TAS2R1: variants seen among roughly 807,000 people sequenced by gnomAD.
The protein encoded by TAS2R1 is taste receptor type 2 member 1.
For synonymous variants in TAS2R1, 141 were observed against 134.2 expected, an observed-to-expected ratio of 1.05 and a Z score of -0.35; for missense variants, 370 against 353.4, an observed-to-expected ratio of 1.05 and a Z score of -0.38.
At chr5:9,731,466 C>G in the TAS2R1 span, among the ~76,000 whole-genome samples, 1 of 152,110 alleles carries the variant, frequency 6.6e-6, no homozygotes, top group Non-Finnish European at 1.5e-5. Flanking sequence ...CCCCACCCAG[C>G]GGCTTCCTCA....
chr5:9,664,783 A>C (rs1214106885), intron 1 of TAS2R1, among the ~76,000 whole-genome samples: 2 of 152,168 alleles, frequency 1.3e-5, no homozygotes, highest in Non-Finnish European at 2.9e-5. Flanking sequence ...ACCCCCTTAC[A>C]ATGCACTTTT....
At chr5:9,839,367 T>C in the TAS2R1 span, among the ~76,000 whole-genome samples, 1 of 152,224 alleles carries the variant, frequency 6.6e-6, no homozygotes, top group Non-Finnish European at 1.5e-5. Flanking sequence ...TAACATCCTG[T>C]TGTACAACAA....
the TAS2R1 span, among the ~76,000 whole-genome samples, chr5:9,741,563 A>T: frequency 6.6e-6 from 1 of 152,246 alleles, no homozygotes; most frequent in African/African-American, 2.4e-5. Flanking sequence ...AAAGATTTAC[A>T]TGAAATAAAA....
At chr5:9,651,631 C>A (rs1740306893) in intron 2 of TAS2R1, among the ~76,000 whole-genome samples, 1 of 152,056 alleles carries the variant, frequency 6.6e-6, no homozygotes, top group African/African-American at 2.4e-5. Flanking sequence ...TTTTTATAAA[C>A]ATATGTATGA....
the TAS2R1 span, among the ~76,000 whole-genome samples, chr5:9,848,718 T>C: frequency 6.7e-6 from 1 of 149,064 alleles, no homozygotes; most frequent in African/African-American, 2.5e-5. Flanking sequence ...ACAATTTTTA[T>C]TTGTCAATTA....
intron 1 of TAS2R1, among the ~76,000 whole-genome samples, chr5:9,706,656 C>T (rs1383382647): frequency 6.6e-6 from 1 of 152,186 alleles, no homozygotes; most frequent in African/African-American, 2.4e-5. Flanking sequence ...CCTGCTGTAT[C>T]TGAGTAGATG....
At chr5:9,869,355 G>C in the TAS2R1 span, among the ~76,000 whole-genome samples, 1 of 152,152 alleles carries the variant, frequency 6.6e-6, no homozygotes. Context: ...AAGAGCAAAG[G>C]CATGGTGGCA....
the TAS2R1 span, among the ~76,000 whole-genome samples, chr5:9,879,916 A>G: frequency 6.6e-6 from 1 of 152,186 alleles, no homozygotes; most frequent in Non-Finnish European, 1.5e-5. Flanking sequence ...TATAATTGAT[A>G]AGAGAACAGA....
At chr5:9,831,132 T>G in the TAS2R1 span, among the ~76,000 whole-genome samples, 1 of 152,184 alleles carries the variant, frequency 6.6e-6, no homozygotes, top group Non-Finnish European at 1.5e-5. Flanking sequence ...TAATTATAAC[T>G]TCTGGAGAGT....
chr5:9,655,564 A>C lies in TAS2R1; in HGVS notation c.-81+3857T>G, dbSNP rs549777179. On this transcript the variant is annotated intron_variant, in intron 2 of 2. Coordinates refer to the TAS2R1 transcript ENST00000506620. ...AAAGTTATAAATAGGCAATTTGTGA[A>C]AGAAATATATAAGCCCCAAACAAAA... 8.5e-4 allele frequency among the ~76,000 whole-genome samples: 130 copies of C among 152,282 alleles called. 1 individual carries two copies. Among genetic ancestry groups the C allele is most frequent in the African/African-American group, 3.0e-3 (123 of 41,570 alleles).
chr5:9,692,070 C>T (rs1395591349), intron 1 of TAS2R1, among the ~76,000 whole-genome samples: 2 of 152,200 alleles, frequency 1.3e-5, no homozygotes, highest in African/African-American at 4.8e-5. Flanking sequence ...TGTCTCTGGG[C>T]TTGTGTCCTC....
the TAS2R1 span, among the ~76,000 whole-genome samples, chr5:9,884,272 G>A: frequency 5.9e-5 from 9 of 151,816 alleles, no homozygotes; most frequent in Middle Eastern, 3.4e-3. Context: ...TCAGGAGATC[G>A]AGACCATCCT....
chr5:9,901,374 T>A, the TAS2R1 span, among the ~76,000 whole-genome samples: 3 of 151,922 alleles, frequency 2.0e-5, no homozygotes, highest in African/African-American at 7.2e-5. Context: ...GAGAAAACCA[T>A]CAGCCTAGAA....
Position 9,628,186 on chromosome 5 carries a change from T to G in TAS2R1, c.*947A>C, listed in dbSNP as rs1739792271. On this transcript the variant is annotated 3_prime_UTR_variant, in exon 1 of 1. Coordinates refer to ENST00000382492, the MANE Select transcript of TAS2R1 (RefSeq NM_019599.3). ...TATCTATCTATCTATCTCTTAGTAT[T>G]CAAAATCTCAACCAAACAGAAAATG... is the stretch of plus-strand genomic sequence containing the variant. 6.7e-6 allele frequency among the ~76,000 whole-genome samples: 1 copy of G among 149,254 alleles called. No homozygotes were observed. The highest frequency in any genetic ancestry group is 1.5e-5 in the Non-Finnish European group (1 of 67,170).
chr5:9,714,518 C>T (rs755001178), upstream of TAS2R1, among the ~76,000 whole-genome samples: 1 of 152,194 alleles, frequency 6.6e-6, no homozygotes, highest in Non-Finnish European at 1.5e-5. Context: ...AGATGTTTTG[C>T]CTCTCTGACC....
the TAS2R1 span, among the ~76,000 whole-genome samples, chr5:9,838,690 C>G: frequency 1.3e-5 from 2 of 152,330 alleles, no homozygotes; most frequent in South Asian, 2.1e-4. Flanking sequence ...GAAAGCACAA[C>G]TCTCCTCTGC....
chr5:9,821,052 T>C, the TAS2R1 span, among the ~76,000 whole-genome samples: 1 of 152,140 alleles, frequency 6.6e-6, no homozygotes, highest in Non-Finnish European at 1.5e-5. Context: ...TAAAACTTTA[T>C]AGGTGGAGAG....
chr5:9,739,489 G>A, the TAS2R1 span, among the ~76,000 whole-genome samples: 1 of 152,168 alleles, frequency 6.6e-6, no homozygotes, highest in African/African-American at 2.4e-5. Flanking sequence ...CAATATTTTA[G>A]AAGGAGTCAC....
At chr5:9,649,360 T>C (rs562888678) in intron 2 of TAS2R1, among the ~76,000 whole-genome samples, 1 of 152,312 alleles carries the variant, frequency 6.6e-6, no homozygotes, top group African/African-American at 2.4e-5. Flanking sequence ...AAATGTTATA[T>C]AGACAAGAAA....
Sources: allele counts gnomAD v4.1 joint callset (sites outside exome capture counted in the v4.1 genomes callset), GRCh38; gene constraint gnomAD v4.1.1; transcripts MANE v1.5; gene names NCBI Gene and HGNC (gene_info 2026-07-23, HGNC 2026-07-21).